ANKRD54: variants seen among roughly 807,000 people sequenced by gnomAD.
ANKRD54 encodes the protein ankyrin repeat domain 54.
A neutral mutation model predicts 36.2 loss-of-function variants in ANKRD54; 26 were observed. The observed-to-expected ratio is 0.72, with a 90% confidence interval of 0.53 to 1.00. The LOEUF is 1.00. Among genes scored for constraint, ANKRD54 ranks in the 50% least tolerant of loss-of-function variants. ANKRD54 has a pLI of 0.00. For missense variants in ANKRD54, 384 were observed against 424.3 expected, an observed-to-expected ratio of 0.91 and a Z score of 0.83; for synonymous variants, 209 against 188.4, an observed-to-expected ratio of 1.11 and a Z score of -0.89.
At chr22:37,849,318 CAG>C (rs775363315), upstream of ANKRD54, 1 of 1,106,240 alleles carries the variant, frequency 9.0e-7, no homozygotes, top group Admixed American at 1.7e-5. Flanking sequence ...ATGGCTGTCT[CAG>C]ATGGCCAGAG....
chr22:37,836,447 C>CAA (rs760828902), intron 3 of ANKRD54, among the ~76,000 whole-genome samples: 1,879 of 21,810 alleles, frequency 0.086, 127 homozygotes, highest in African/African-American at 0.13. Context: ...AACTCTGTCT[C>CAA]AAAAAAAAAA....
chr22:37,836,643 G>A (rs920800464), intron 3 of ANKRD54, among the ~76,000 whole-genome samples: 8 of 151,574 alleles, frequency 5.3e-5, no homozygotes, highest in African/African-American at 1.2e-4. Flanking sequence ...CCTAGATGAC[G>A]GGTTGATGGG....
chr22:37,840,586 A>AC (rs1373938405), intron 1 of ANKRD54, among the ~76,000 whole-genome samples: 1 of 150,158 alleles, frequency 6.7e-6, no homozygotes. Context: ...AAACACACAC[A>AC]AAAAAAACAC....
chr22:37,837,315 G>A (rs1923676636), intron 3 of ANKRD54, among the ~76,000 whole-genome samples: 1 of 152,080 alleles, frequency 6.6e-6, no homozygotes, highest in South Asian at 2.1e-4. Flanking sequence ...GGTTTATAGA[G>A]GATAGATGAG....
upstream of ANKRD54, chr22:37,848,607 G>C (rs1457853015): frequency 6.6e-6 from 1 of 152,046 alleles, no homozygotes; most frequent in Non-Finnish European, 1.5e-5. Context: ...TTTCGGCCAG[G>C]CTGGTCTCGA....
chr22:37,840,547 A>G (rs557537531), intron 1 of ANKRD54, among the ~76,000 whole-genome samples: 8 of 151,966 alleles, frequency 5.3e-5, no homozygotes, highest in African/African-American at 1.9e-4. Flanking sequence ...TGACAGAGTG[A>G]GACTCCGTCT....
In ANKRD54 at chr22:37,833,039, C is replaced by T. The variant is rs1437861494; in HGVS notation, c.639G>A (p.Leu213=). ...TATTCAGCTTTGACTTGGCCAGGTG[C>T]AGGGGTGTGCGACCAGCTCGGTCCA... ...DALDRAGRTP[L]HLAKSKLNIL... The change falls in exon 6 of 8, where the codon CTG becomes CTA. Residue 213 remains leucine (L), a synonymous_variant. Coordinates refer to ENST00000215941, the MANE Select transcript of ANKRD54 (RefSeq NM_138797.4). The T allele has an allele frequency of 1.2e-6, 2 of 1,614,138 alleles. No individual in the cohort carries two copies. The highest frequency in any genetic ancestry group is 1.7e-6 in the Non-Finnish European group (2 of 1,180,032).
At chr22:37,835,926 G>A (rs1443957187) in intron 3 of ANKRD54, among the ~76,000 whole-genome samples, 5 of 151,992 alleles carry the variant, frequency 3.3e-5, no homozygotes, top group Non-Finnish European at 5.9e-5. Context: ...TGTAAGCTCC[G>A]CCTCCCGGCT....
upstream of ANKRD54, among the ~76,000 whole-genome samples, chr22:37,846,882 CT>C (rs1924867163): frequency 6.9e-6 from 1 of 144,304 alleles, no homozygotes; most frequent in African/African-American, 2.5e-5. Context: ...GAGACGGAGT[CT>C]CGCTCTGTCG....
chr22:37,837,418 T>C (rs938973434), intron 3 of ANKRD54, among the ~76,000 whole-genome samples: 1 of 152,118 alleles, frequency 6.6e-6, no homozygotes, highest in African/African-American at 2.4e-5. Context: ...CCGTCAATAG[T>C]AGAATGGATA....
At chr22:37,838,726 C>A in intron 2 of ANKRD54, 128 bp from the exon 3 acceptor site, 9 of 844,016 alleles carry the variant, frequency 1.1e-5, no homozygotes, top group Non-Finnish European at 1.5e-5. Context: ...CATAGGAAAG[C>A]AGCCCTTCCT....
At chr22:37,847,819 C>T (rs1924926715), upstream of ANKRD54, 1 of 423,362 alleles carries the variant, frequency 2.4e-6, no homozygotes, top group South Asian at 1.9e-5. Context: ...CCTCTGGTGA[C>T]AGCACAAGGA....
At chr22:37,836,447 CAAAAAAA>C (rs760828902) in intron 3 of ANKRD54, among the ~76,000 whole-genome samples, 9 of 22,632 alleles carry the variant, frequency 4.0e-4, no homozygotes, top group East Asian at 3.1e-3. Flanking sequence ...AACTCTGTCT[CAAAAAAA>C]AAAAAAAAAA....
chr22:37,836,692 G>T (rs1440855420), intron 3 of ANKRD54, among the ~76,000 whole-genome samples: 1 of 151,294 alleles, frequency 6.6e-6, no homozygotes, highest in Non-Finnish European at 1.5e-5. Context: ...CCTATGTAAC[G>T]AACCTGCACG....
chr22:37,849,281 G>A, upstream of ANKRD54: 1 of 815,850 alleles, frequency 1.2e-6, no homozygotes, highest in Non-Finnish European at 2.1e-6. Context: ...TGTGAGCCAC[G>A]GAACGCGGCT....
chr22:37,834,697 CAAAAAAAAAAAAAA>C (rs67811223), intron 3 of ANKRD54: 12 of 43,412 alleles, frequency 2.8e-4, no homozygotes, highest in East Asian at 1.8e-3. Flanking sequence ...GACCCTGTCT[CAAAAAAAAAAAAAA>C]AAAAAAAAAA....
intron 3 of ANKRD54, among the ~76,000 whole-genome samples, chr22:37,836,709 A>C (rs543618819): frequency 7.2e-4 from 109 of 151,736 alleles, no homozygotes; most frequent in Non-Finnish European, 1.0e-3. Flanking sequence ...CACGTTCTGC[A>C]CATGCATCCC....
rs960807314 is a variant in ANKRD54, at chr22:37,831,365, C to T, written c.*578G>A. ...GGTTGGAATTTTTTGCTTTGGGGTC[C>T]CTCTTAACCTTGTATTTTTAAGGTC... On this transcript the variant is annotated 3_prime_UTR_variant, in exon 8 of 8. Coordinates refer to ENST00000215941, the MANE Select transcript of ANKRD54 (RefSeq NM_138797.4). 2 of 152,392 alleles carry T rather than the reference C, an allele frequency of 1.3e-5. No homozygotes were observed. Among genetic ancestry groups the T allele is most frequent in the Non-Finnish European group, 2.9e-5 (2 of 68,076 alleles). 9.4% of individuals were successfully genotyped at this position (152,392 alleles called of 1,614,324 possible). A position where few individuals can be genotyped will look rare whatever the true frequency, so the allele number is the denominator to read the frequency against.
At chr22:37,836,585 G>A (rs1051547318) in intron 3 of ANKRD54, among the ~76,000 whole-genome samples, 1 of 151,874 alleles carries the variant, frequency 6.6e-6, no homozygotes, top group African/African-American at 2.4e-5. Context: ...GGGGGCCAAG[G>A]GGAGGGAGAG....
Sources: allele counts gnomAD v4.1 joint callset (sites outside exome capture counted in the v4.1 genomes callset), GRCh38; gene constraint gnomAD v4.1.1; transcripts MANE v1.5; gene names NCBI Gene and HGNC (gene_info 2026-07-23, HGNC 2026-07-21).